The following SYNPR variants were observed in gnomAD, a reference collection of about 807,000 sequenced individuals.
SYNPR encodes synaptoporin.
In SYNPR, 23 loss-of-function variants were observed where a neutral mutation model predicts 32.9. The observed-to-expected ratio is 0.70, with a 90% CI of 0.50 to 0.99. SYNPR has a LOEUF of 0.99. Ranked by LOEUF, SYNPR falls within the 50% of genes least tolerant of loss-of-function variation. SYNPR has a pLI of 0.00. For synonymous variants in SYNPR, 146 were observed against 135.9 expected, an observed-to-expected ratio of 1.07 and a Z score of -0.52; for missense variants, 318 against 349.3, an observed-to-expected ratio of 0.91 and a Z score of 0.71.
At chr3:63,393,261 A>G (rs1052948448) in intron 2 of SYNPR, among the ~76,000 whole-genome samples, 2 of 152,206 alleles carry the variant, frequency 1.3e-5, no homozygotes, top group Non-Finnish European at 2.9e-5. Flanking sequence ...TAAGGCTTAA[A>G]AAACAGTCTC....
intron 2 of SYNPR, among the ~76,000 whole-genome samples, chr3:63,402,602 C>T (rs1027683355): frequency 2.0e-5 from 3 of 152,126 alleles, no homozygotes; most frequent in African/African-American, 7.2e-5. Context: ...GCTAGGATGA[C>T]TCCAAGATGA....
chr3:63,209,828 G>A, the SYNPR span, among the ~76,000 whole-genome samples: 5 of 152,232 alleles, frequency 3.3e-5, no homozygotes, highest in African/African-American at 4.8e-5. Context: ...TAGCTAATTA[G>A]GCAATTAGTT....
intron 2 of SYNPR, 30 bp downstream of exon 2, chr3:63,278,772 C>T (rs191961635): frequency 5.2e-6 from 8 of 1,549,992 alleles, no homozygotes; most frequent in Admixed American, 2.0e-5. Flanking sequence ...CAGGGAGGGG[C>T]GCCAGGCAGC....
intron 2 of SYNPR, among the ~76,000 whole-genome samples, chr3:63,309,474 G>A (rs1045247781): frequency 6.6e-6 from 1 of 152,000 alleles, no homozygotes; most frequent in Non-Finnish European, 1.5e-5. Context: ...GCTTTATTCT[G>A]AGAATTAGTT....
the SYNPR span, among the ~76,000 whole-genome samples, chr3:63,222,128 T>G: frequency 4.0e-5 from 6 of 150,292 alleles, no homozygotes; most frequent in East Asian, 4.0e-4. Context: ...GAAGACCCTT[T>G]AAGCAACACA....
chr3:63,509,025 C>T (rs183808099), intron 3 of SYNPR, among the ~76,000 whole-genome samples: 67 of 152,060 alleles, frequency 4.4e-4, no homozygotes, highest in Non-Finnish European at 3.2e-4. Context: ...CATAAAACTT[C>T]TGGCTATGTG....
chr3:63,238,387 A>T (rs187982459), intron 1 of SYNPR, among the ~76,000 whole-genome samples: 11 of 152,122 alleles, frequency 7.2e-5, no homozygotes, highest in Non-Finnish European at 1.3e-4. Context: ...CCTGCCAGAG[A>T]GAAGAGGGTC....
intron 2 of SYNPR, among the ~76,000 whole-genome samples, chr3:63,327,827 T>C (rs1249780218): frequency 2.0e-5 from 3 of 152,136 alleles, no homozygotes; most frequent in African/African-American, 7.2e-5. Flanking sequence ...ATATATTATT[T>C]CTTGATCTAG....
chr3:63,515,000 T>C (rs1299337704), intron 3 of SYNPR, among the ~76,000 whole-genome samples: 1 of 152,122 alleles, frequency 6.6e-6, no homozygotes. Flanking sequence ...GCTTTTGGAA[T>C]TATGTGAGTC....
At chr3:63,201,394 C>A in the SYNPR span, among the ~76,000 whole-genome samples, 1 of 152,070 alleles carries the variant, frequency 6.6e-6, no homozygotes, top group Non-Finnish European at 1.5e-5. Context: ...TGAAAGGCTG[C>A]TGCTTAGGTA....
At chr3:63,354,087 C>T (rs934625325) in intron 2 of SYNPR, among the ~76,000 whole-genome samples, 5 of 152,112 alleles carry the variant, frequency 3.3e-5, no homozygotes, top group Non-Finnish European at 5.9e-5. Context: ...AGTTTCCTCA[C>T]AAATAACATG....
At chr3:63,608,005 A>C (rs957276470) in intron 4 of SYNPR, among the ~76,000 whole-genome samples, 1 of 152,236 alleles carries the variant, frequency 6.6e-6, no homozygotes, top group African/African-American at 2.4e-5. Context: ...TTCTGTTGGC[A>C]TATCAAATAT....
chr3:63,344,453 G>A (rs1290030343), intron 2 of SYNPR, among the ~76,000 whole-genome samples: 1 of 151,030 alleles, frequency 6.6e-6, no homozygotes, highest in Non-Finnish European at 1.5e-5. Flanking sequence ...AAATATAGGA[G>A]AAATTGTAAA....
the SYNPR span, among the ~76,000 whole-genome samples, chr3:63,218,320 G>T: frequency 6.6e-6 from 1 of 152,132 alleles, no homozygotes; most frequent in Admixed American, 6.5e-5. Flanking sequence ...TTCTCTAAAA[G>T]TTGCTAGAAA....
At chr3:63,224,391 G>C (rs1036212987), upstream of SYNPR, among the ~76,000 whole-genome samples, 4 of 152,182 alleles carry the variant, frequency 2.6e-5, no homozygotes, top group African/African-American at 9.7e-5. Flanking sequence ...ATTGTCTTCT[G>C]TGAAACCAGT....
intron 3 of SYNPR, among the ~76,000 whole-genome samples, chr3:63,481,443 ATATATATATGTGTG>A (rs1701045553): frequency 8.4e-6 from 1 of 119,758 alleles, no homozygotes; most frequent in Non-Finnish European, 1.7e-5. Flanking sequence ...GTGTATATAT[ATATATATATGTGTG>A]TGTGTGTGTG....
chr3:63,417,238 G>A (rs1183001433), intron 2 of SYNPR, among the ~76,000 whole-genome samples: 1 of 152,224 alleles, frequency 6.6e-6, no homozygotes, highest in African/African-American at 2.4e-5. Context: ...AATCCAGCAG[G>A]GCAGTAAAAT....
chr3:63,336,724 A>C (rs1184527859), intron 2 of SYNPR, among the ~76,000 whole-genome samples: 1 of 152,030 alleles, frequency 6.6e-6, no homozygotes, highest in African/African-American at 2.4e-5. Flanking sequence ...CCAAAAGCAC[A>C]ATCTATGAAA....
chr3:63,243,785 A>G (rs1488597068), intron 1 of SYNPR, among the ~76,000 whole-genome samples: 3 of 152,100 alleles, frequency 2.0e-5, no homozygotes, highest in Non-Finnish European at 2.9e-5. Context: ...AAGGATAGAA[A>G]GTGCTGGAAA....
Sources: gnomAD v4.1 joint callset for allele counts (sites outside exome capture counted in the v4.1 genomes callset) on GRCh38, gnomAD v4.1.1 for gene constraint, MANE v1.5 for transcripts, NCBI Gene and HGNC (gene_info 2026-07-23, HGNC 2026-07-21) for gene names.